Variants in APOOL observed in about 807,000 individuals in gnomAD.
The protein encoded by APOOL is MICOS complex subunit MIC27.
In APOOL, 12 loss-of-function variants were observed where a neutral mutation model predicts 23.1. That is an observed-to-expected ratio of 0.52 (90% CI 0.33 to 0.84). The LOEUF (loss-of-function observed/expected upper bound fraction) is 0.84. APOOL is among the 40% of genes least tolerant of loss of function. The pLI, the probability that APOOL is intolerant of heterozygous loss-of-function variation, is 0.02. For missense variants in APOOL, 212 were observed against 199.6 expected, an observed-to-expected ratio of 1.06 and a Z score of -0.37; for synonymous variants, 77 against 69.9, an observed-to-expected ratio of 1.10 and a Z score of -0.51.
intron 5 of APOOL, among the ~76,000 whole-genome samples, chrX:85,058,138 T>C (rs936166781): frequency 3.6e-5 from 4 of 111,243 alleles, no homozygotes; most frequent in African/African-American, 1.3e-4. Context: ...GGTAAATGTG[T>C]GCCATGATGG....
intron 6 of APOOL, among the ~76,000 whole-genome samples, chrX:85,073,224 G>T (rs926580051): frequency 1.9e-4 from 21 of 111,134 alleles, no homozygotes; most frequent in South Asian, 3.7e-4. Context: ...ATTTATGTTT[G>T]TAGAAATTAT....
At chrX:85,067,525 T>G (rs1923497193) in intron 6 of APOOL, among the ~76,000 whole-genome samples, 1 of 110,460 alleles carries the variant, frequency 9.1e-6, no homozygotes, top group Non-Finnish European at 1.9e-5. Context: ...CAATTTTTAT[T>G]TAAAAGAAGA....
chrX:85,053,033 C>T (rs1017425364), intron 3 of APOOL, among the ~76,000 whole-genome samples: 1 of 111,220 alleles, frequency 9.0e-6, no homozygotes, highest in African/African-American at 3.3e-5. Context: ...CCTAATTTTC[C>T]CCTAAAAATG....
At chrX:85,046,780 T>G (rs1922590627) in intron 2 of APOOL, among the ~76,000 whole-genome samples, 1 of 111,748 alleles carries the variant, frequency 8.9e-6, no homozygotes, top group Non-Finnish European at 1.9e-5. Flanking sequence ...TAATGAATAA[T>G]CAATAAGTAG....
chrX:85,091,708 T>G lies in APOOL; in HGVS notation c.*4030T>G, dbSNP rs1384907833. 2.7e-5 allele frequency: 3 copies of G among 111,788 alleles called. No homozygotes were observed. The highest frequency in any genetic ancestry group is 5.6e-5 in the Non-Finnish European group (3 of 53,157). 9.2% of individuals were successfully genotyped at this position (111,788 alleles called of 1,213,427 possible). The stretch of plus-strand genomic sequence containing the variant: ...GAGCTATGGATGTTCAGAGATAGAA[T>G]GTAGTACTGGGATGATGTCAAGGAG... On this transcript the variant is annotated 3_prime_UTR_variant, in exon 9 of 9. Coordinates refer to ENST00000373173, the MANE Select transcript of APOOL (RefSeq NM_198450.6).
At chrX:85,057,210 A>G (rs1300327860) in intron 5 of APOOL, among the ~76,000 whole-genome samples, 1 of 110,523 alleles carries the variant, frequency 9.0e-6, no homozygotes, top group African/African-American at 3.3e-5. Flanking sequence ...AGCCCTTACT[A>G]AGCTGGTGTA....
In APOOL at chrX:85,012,451, C is replaced by A. The variant is rs745724618; in HGVS notation, c.15+8524C>A. ...TCTCATTGGAATGCTTTCAGTTTTT[C>A]CCCATTTAGTATGGTATTGGCTGTG... On this transcript the variant is annotated intron_variant, in intron 1 of 8. Coordinates refer to ENST00000373173, the MANE Select transcript of APOOL (RefSeq NM_198450.6). Among the ~76,000 whole-genome samples the A allele has an allele frequency of 2.7e-5, 3 of 111,265 alleles. No individual in the cohort carries two copies. In the South Asian group the frequency reaches 1.2e-3, roughly 43 times the overall value.
intron 2 of APOOL, among the ~76,000 whole-genome samples, chrX:85,049,776 G>T (rs1922699591): frequency 1.2e-5 from 1 of 83,168 alleles, no homozygotes; most frequent in Non-Finnish European, 2.4e-5. Context: ...GACAAAACAA[G>T]ACCGTCTCAA....
chrX:85,066,607 A>T (rs1481875134), intron 5 of APOOL, among the ~76,000 whole-genome samples: 2 of 111,356 alleles, frequency 1.8e-5, no homozygotes, highest in Non-Finnish European at 3.8e-5. Context: ...ATTATTATTC[A>T]GTATTCTAAG....
At chrX:85,052,204 C>G (rs1342970592) in intron 3 of APOOL, among the ~76,000 whole-genome samples, 2 of 112,300 alleles carry the variant, frequency 1.8e-5, no homozygotes, top group East Asian at 5.6e-4. Flanking sequence ...GAGATTACTT[C>G]TGAATATTTT....
chrX:85,081,812 T>G (rs1182013584), intron 8 of APOOL, among the ~76,000 whole-genome samples: 1 of 111,765 alleles, frequency 8.9e-6, no homozygotes, highest in Non-Finnish European at 1.9e-5. Context: ...GTCTCTAAAC[T>G]TCTCTTCTCA....
rs781211117 is a variant in APOOL at position 85,092,639 on chromosome X, T to A, written c.*4961T>A. On this transcript the variant is annotated 3_prime_UTR_variant, in exon 9 of 9. Transcript: ENST00000373173. The stretch of plus-strand genomic sequence containing the variant: ...GTTAACACATATATTTTATTGAAGG[T>A]CTACTCTATGCAAGACACTATGTGT... 69 of 930,997 alleles carry A rather than the reference T, an allele frequency of 7.4e-5. No homozygotes were observed. The highest frequency in any genetic ancestry group is 1.0e-4 in the Non-Finnish European group (67 of 672,686). 76.7% of individuals were successfully genotyped at this position (930,997 alleles called of 1,213,427 possible).
At chrX:85,053,438 G>A (rs771292004) in intron 3 of APOOL, among the ~76,000 whole-genome samples, 1 of 111,472 alleles carries the variant, frequency 9.0e-6, no homozygotes, top group South Asian at 3.7e-4. Context: ...ACAAAACCAA[G>A]CTATCTCTAT....
At chrX:85,022,201 A>C (rs1174470915) in intron 1 of APOOL, among the ~76,000 whole-genome samples, 1 of 112,256 alleles carries the variant, frequency 8.9e-6, no homozygotes, top group Non-Finnish European at 1.9e-5. Context: ...CTCTTCAAAA[A>C]CTGAACAGCA....
intron 5 of APOOL, among the ~76,000 whole-genome samples, chrX:85,056,755 A>T (rs1922980506): frequency 8.9e-6 from 1 of 111,850 alleles, no homozygotes; most frequent in Non-Finnish European, 1.9e-5. Context: ...AAAAAAAAAT[A>T]TTTTAAAATT....
intron 3 of APOOL, among the ~76,000 whole-genome samples, chrX:85,053,320 A>G (rs1443852094): frequency 8.9e-6 from 1 of 112,083 alleles, no homozygotes; most frequent in Non-Finnish European, 1.9e-5. Flanking sequence ...CAGTCCCTAC[A>G]GAAAAGTAGT....
At chrX:85,005,926 G>A (rs749994043) in intron 1 of APOOL, among the ~76,000 whole-genome samples, 3 of 112,134 alleles carry the variant, frequency 2.7e-5, no homozygotes, top group South Asian at 3.7e-4. Context: ...TTTTCATTGA[G>A]AAGAAGAGAG....
chrX:85,059,337 TAC>T (rs1311213502), intron 5 of APOOL, among the ~76,000 whole-genome samples: 2 of 109,592 alleles, frequency 1.8e-5, no homozygotes, highest in Non-Finnish European at 3.8e-5. Flanking sequence ...GCAATAAACA[TAC>T]GTGTGCATGT....
At chrX:85,030,389 A>C (rs1488110892) in intron 1 of APOOL, among the ~76,000 whole-genome samples, 1 of 111,169 alleles carries the variant, frequency 9.0e-6, no homozygotes, top group South Asian at 3.8e-4. Flanking sequence ...GGGATTAAAA[A>C]AAAACACTAC....
Sources: allele counts gnomAD v4.1 joint callset (sites outside exome capture counted in the v4.1 genomes callset), GRCh38; gene constraint gnomAD v4.1.1; transcripts MANE v1.5; gene names NCBI Gene and HGNC (gene_info 2026-07-23, HGNC 2026-07-21).